LRRFIP2: variants seen among roughly 807,000 people sequenced by gnomAD.
LRRFIP2 encodes the protein LRR binding FLII interacting protein 2, also known as leucine-rich repeat flightless-interacting protein 2.
A neutral mutation model predicts 125.9 loss-of-function variants in LRRFIP2; 109 were observed. That is an observed-to-expected ratio of 0.87 (90% CI 0.74 to 1.01). LRRFIP2 has a LOEUF of 1.01. Ranked by LOEUF, LRRFIP2 falls within the 50% of genes least tolerant of loss-of-function variation. LRRFIP2 has a pLI of 0.00. For synonymous variants in LRRFIP2, 291 were observed against 293.1 expected, an observed-to-expected ratio of 0.99 and a Z score of 0.07; for missense variants, 850 against 862.3, an observed-to-expected ratio of 0.99 and a Z score of 0.18.
intron 17 of LRRFIP2, among the ~76,000 whole-genome samples, chr3:37,094,064 A>G (rs1181165616): frequency 6.6e-6 from 1 of 152,074 alleles, no homozygotes; most frequent in Non-Finnish European, 1.5e-5. Context: ...GTATAACACC[A>G]CCTGGTTTTA....
At chr3:37,102,793 T>A (rs1380369218) in intron 15 of LRRFIP2, 131 bp downstream of exon 15, 1 of 628,556 alleles carries the variant, frequency 1.6e-6, no homozygotes, top group African/African-American at 1.9e-5. Flanking sequence ...TGAGCCACCA[T>A]GCCCGGCCCA....
At chr3:37,176,130 G>C (rs2096659955), upstream of LRRFIP2, 1 of 152,330 alleles carries the variant, frequency 6.6e-6, no homozygotes, top group East Asian at 1.9e-4. Flanking sequence ...CCCGCCCGGC[G>C]CCCGCTGGGG....
chr3:37,101,275 T>C (rs1390389626), intron 15 of LRRFIP2, among the ~76,000 whole-genome samples: 1 of 151,532 alleles, frequency 6.6e-6, no homozygotes. Flanking sequence ...GAGAATCACT[T>C]GAACTCGGAG....
intron 2 of LRRFIP2, among the ~76,000 whole-genome samples, chr3:37,133,226 G>C (rs1028103232): frequency 6.6e-6 from 1 of 152,114 alleles, no homozygotes; most frequent in African/African-American, 2.4e-5. Flanking sequence ...CTCTGTCTCA[G>C]AAAACAAACA....
chr3:37,075,310 G>A (rs1247272355), intron 19 of LRRFIP2, among the ~76,000 whole-genome samples, 194 bp from the exon 20 acceptor site: 1 of 151,710 alleles, frequency 6.6e-6, no homozygotes, highest in Admixed American at 6.6e-5. Context: ...ATAATTATCA[G>A]GAAAACCTGA....
intron 24 of LRRFIP2, among the ~76,000 whole-genome samples, chr3:37,061,038 A>ATTCCCTTGGTGATGAGTGAG (rs2088503959): frequency 1.3e-5 from 2 of 152,188 alleles, no homozygotes; most frequent in Admixed American, 1.3e-4. Flanking sequence ...GCTTTGCACC[A>ATTCCCTTGGTGATGAGTGAG]TTCCCTTGGT....
In LRRFIP2 at chr3:37,071,443, C is replaced by A. The variant is rs541441133; in HGVS notation, c.1464+1347G>T. ...CCCAAGCTGGTCTCAAGCTCCTGACCTCAAGCAATCCTCTGGCCTCAAGCG... is the reference window on the plus strand; with the variant it reads ...CCCAAGCTGGTCTCAAGCTCCTGACATCAAGCAATCCTCTGGCCTCAAGCG... On this transcript the variant is annotated intron_variant, in intron 21 of 27. Transcript: ENST00000336686. Among the ~76,000 whole-genome samples, 14 of 152,288 alleles carry A rather than the reference C, an allele frequency of 9.2e-5. No homozygotes were observed. In the East Asian group the frequency reaches 2.5e-3, roughly 27 times the overall value.
chr3:37,133,669 T>C (rs977778661), intron 2 of LRRFIP2, among the ~76,000 whole-genome samples: 1 of 152,158 alleles, frequency 6.6e-6, no homozygotes, highest in Non-Finnish European at 1.5e-5. Flanking sequence ...CACTATTTAA[T>C]GAGTACAGAG....
intron 6 of LRRFIP2, among the ~76,000 whole-genome samples, chr3:37,120,425 G>A (rs894447857): frequency 1.3e-5 from 2 of 151,962 alleles, no homozygotes; most frequent in Admixed American, 6.6e-5. Flanking sequence ...AAAATCTAAA[G>A]TTTTATAACT....
chr3:37,054,001 A>C (rs1306084962), intron 27 of LRRFIP2, 40 bp from the exon 28 acceptor site: 1 of 1,168,198 alleles, frequency 8.6e-7, no homozygotes, highest in Admixed American at 1.7e-5. Flanking sequence ...TGTGGTCAGA[A>C]ACAACATCCA....
chr3:37,160,781 A>G, intron 1 of LRRFIP2, among the ~76,000 whole-genome samples: 1 of 143,056 alleles, frequency 7.0e-6, no homozygotes, highest in South Asian at 2.1e-4. Flanking sequence ...CTCTGTCTCA[A>G]AAAAAAAAAG....
intron 1 of LRRFIP2, among the ~76,000 whole-genome samples, chr3:37,165,748 C>T (rs2096464138): frequency 7.2e-6 from 1 of 138,564 alleles, no homozygotes; most frequent in African/African-American, 2.8e-5. Flanking sequence ...AAGAGAGAAA[C>T]TCTGTCACAA....
chr3:37,103,946 G>C (rs1422827293), intron 14 of LRRFIP2, among the ~76,000 whole-genome samples: 1 of 151,808 alleles, frequency 6.6e-6, no homozygotes, highest in Non-Finnish European at 1.5e-5. Flanking sequence ...TAAAATAAGT[G>C]ATTTTTTTTT....
At chr3:37,083,079 G>T (rs146437020) in intron 19 of LRRFIP2, among the ~76,000 whole-genome samples, 1 of 152,178 alleles carries the variant, frequency 6.6e-6, no homozygotes, top group Non-Finnish European at 1.5e-5. Context: ...GAGCAAATCT[G>T]GGCCTTGGAC....
chr3:37,116,718 T>G, intron 6 of LRRFIP2, among the ~76,000 whole-genome samples: 1 of 152,104 alleles, frequency 6.6e-6, no homozygotes, highest in East Asian at 1.9e-4. Context: ...AATAGTTCAG[T>G]CAGAATAAAG....
intron 1 of LRRFIP2, among the ~76,000 whole-genome samples, chr3:37,152,563 C>A (rs1417213968): frequency 6.6e-6 from 1 of 152,114 alleles, no homozygotes; most frequent in African/African-American, 2.4e-5. Context: ...CCTGTCTCAG[C>A]CTCCCGAGTA....
At position 37,102,910 on chromosome 3, in the gene LRRFIP2, T is replaced by A. The variant is rs1402752271; in HGVS notation, c.873+14A>T. The stretch of plus-strand genomic sequence containing the variant: ...TGGGACAACATAACCAACCACCCCA[T>A]GCAATACACTCACGCTGGACAAATC... On this transcript the variant is annotated intron_variant, in intron 15 of 27. Transcript: ENST00000336686. 6.5e-7 allele frequency: 1 copy of A among 1,534,828 alleles called. No individual in the cohort carries two copies. Among genetic ancestry groups the A allele is most frequent in the South Asian group, 1.2e-5 (1 of 82,898 alleles).
At chr3:37,142,962 C>T (rs2095751529) in intron 2 of LRRFIP2, among the ~76,000 whole-genome samples, 2 of 152,098 alleles carry the variant, frequency 1.3e-5, no homozygotes, top group South Asian at 2.1e-4. Context: ...TTTGGGTCAT[C>T]GGGGTGGATC....
chr3:37,130,954 T>C (rs1256461112), intron 2 of LRRFIP2, among the ~76,000 whole-genome samples: 1 of 152,186 alleles, frequency 6.6e-6, no homozygotes, highest in African/African-American at 2.4e-5. Context: ...GAAAAAGAAA[T>C]TTGTGCTAGT....
Sources: allele counts gnomAD v4.1 joint callset (sites outside exome capture counted in the v4.1 genomes callset), GRCh38; gene constraint gnomAD v4.1.1; transcripts MANE v1.5; gene names NCBI Gene and HGNC (gene_info 2026-07-23, HGNC 2026-07-21).